The following CNTNAP2 variants were observed in gnomAD, a reference collection of about 807,000 sequenced individuals.
CNTNAP2 encodes the protein contactin associated protein 2.
CNTNAP2 carries 98 observed loss-of-function variants against 155.2 expected under a neutral mutation model. The observed-to-expected ratio is 0.63, with a 90% confidence interval of 0.54 to 0.75. The LOEUF (loss-of-function observed/expected upper bound fraction) is 0.75. Ranked by LOEUF, CNTNAP2 falls within the 30% of genes least tolerant of loss-of-function variation. The pLI is 0.00. For synonymous variants in CNTNAP2, 651 were observed against 631.2 expected (o/e 1.03, Z -0.47); for missense variants, 1,727 against 1,688.1 (o/e 1.02, Z -0.40).
intron 15 of CNTNAP2, among the ~76,000 whole-genome samples, chr7:148,110,951 G>A (rs1435199207): frequency 6.6e-6 from 1 of 152,228 alleles, no homozygotes; most frequent in African/African-American, 2.4e-5. Context: ...TATTCCTCAT[G>A]AGGAAAGTAG....
intron 3 of CNTNAP2, among the ~76,000 whole-genome samples, chr7:147,012,061 A>G (rs1418697984): frequency 1.3e-5 from 2 of 152,172 alleles, no homozygotes; most frequent in Admixed American, 1.3e-4. Context: ...CTCCCATGTT[A>G]TGTAAAACCA....
chr7:146,930,887 T>C (rs1796737612), intron 3 of CNTNAP2, among the ~76,000 whole-genome samples: 1 of 152,168 alleles, frequency 6.6e-6, no homozygotes, highest in Non-Finnish European at 1.5e-5. Flanking sequence ...AAGAGCTAAC[T>C]ATCCTAAATA....
At position 147,955,716 on chromosome 7, in the gene CNTNAP2, C is replaced by T. The variant is rs566309866; in HGVS notation, c.2256-22146C>T. On this transcript the variant is annotated intron_variant, in intron 14 of 23. Coordinates refer to ENST00000361727, the MANE Select transcript of CNTNAP2 (RefSeq NM_014141.6). ...ATGCACAGTCCCTGACCAAGTGGATCGGAAATGTCTCCTGTTGTAGGTCAA... is the reference window on the plus strand; with the variant it reads ...ATGCACAGTCCCTGACCAAGTGGATTGGAAATGTCTCCTGTTGTAGGTCAA... Among the ~76,000 whole-genome samples the T allele has an allele frequency of 1.3e-3, 195 of 152,238 alleles. 1 individual carries two copies. The highest frequency in any genetic ancestry group is 4.6e-3 in the African/African-American group (191 of 41,538).
chr7:147,131,265 ATGG>A (rs951460000), intron 7 of CNTNAP2, among the ~76,000 whole-genome samples: 6 of 151,316 alleles, frequency 4.0e-5, no homozygotes, highest in Non-Finnish European at 7.4e-5. Flanking sequence ...ATACATATAT[ATGG>A]TGTTGTTAAA....
At chr7:146,813,324 AGGGGC>A (rs776426708) in intron 2 of CNTNAP2, among the ~76,000 whole-genome samples, 35 of 152,322 alleles carry the variant, frequency 2.3e-4, no homozygotes, top group Non-Finnish European at 4.3e-4. Context: ...GCAAAGTCAC[AGGGGC>A]GGAGCTCCTG....
chr7:147,762,506 G>A (rs2116521079), intron 13 of CNTNAP2, among the ~76,000 whole-genome samples: 1 of 151,896 alleles, frequency 6.6e-6, no homozygotes, highest in East Asian at 1.9e-4. Context: ...CTACTGGGAA[G>A]TCCTAACTAG....
intron 1 of CNTNAP2, among the ~76,000 whole-genome samples, chr7:146,720,448 A>C (rs925222069): frequency 6.6e-6 from 1 of 152,170 alleles, no homozygotes; most frequent in Non-Finnish European, 1.5e-5. Context: ...AAGTGCCTAC[A>C]TACTCTGCTC....
chr7:147,892,017 G>A (rs897979949), intron 13 of CNTNAP2, among the ~76,000 whole-genome samples: 4 of 151,968 alleles, frequency 2.6e-5, no homozygotes, highest in South Asian at 2.1e-4. Context: ...ATCTCTGAAC[G>A]CTAAAAGGAG....
intron 9 of CNTNAP2, among the ~76,000 whole-genome samples, chr7:147,326,909 C>T (rs1482107389): frequency 6.6e-6 from 1 of 152,108 alleles, no homozygotes; most frequent in Non-Finnish European, 1.5e-5. Flanking sequence ...TCTTATTTAC[C>T]AGTGCTTTTC....
intron 1 of CNTNAP2, among the ~76,000 whole-genome samples, chr7:146,326,702 G>A (rs1360270247): frequency 2.0e-5 from 3 of 152,184 alleles, no homozygotes; most frequent in Non-Finnish European, 1.5e-5. Context: ...GATGAAAAGA[G>A]TGGCGACTTT....
At chr7:148,385,616 G>A (rs1048337299) in intron 22 of CNTNAP2, among the ~76,000 whole-genome samples, 1 of 151,944 alleles carries the variant, frequency 6.6e-6, no homozygotes, top group Non-Finnish European at 1.5e-5. Context: ...GGGCCAATAT[G>A]AGTTTTATGT....
At chr7:146,388,760 C>T (rs1031542493) in intron 1 of CNTNAP2, among the ~76,000 whole-genome samples, 2 of 152,200 alleles carry the variant, frequency 1.3e-5, no homozygotes, top group Admixed American at 6.5e-5. Context: ...ACCAGCCCCC[C>T]ACTACCCTTT....
intron 2 of CNTNAP2, among the ~76,000 whole-genome samples, chr7:146,828,813 T>C (rs73459339): frequency 0.035 from 5,263 of 152,222 alleles, 308 homozygotes; most frequent in African/African-American, 0.12. Context: ...TAAACTTGTA[T>C]ACATGTCTAA....
intron 3 of CNTNAP2, among the ~76,000 whole-genome samples, chr7:147,028,613 G>C (rs1798967156): frequency 6.6e-6 from 1 of 152,164 alleles, no homozygotes; most frequent in Non-Finnish European, 1.5e-5. Flanking sequence ...AGGCCAGTTG[G>C]GTAGTAGACT....
chr7:147,609,067 A>G (rs1331316865), intron 12 of CNTNAP2, among the ~76,000 whole-genome samples: 1 of 152,166 alleles, frequency 6.6e-6, no homozygotes, highest in East Asian at 1.9e-4. Context: ...CACAGGTGAT[A>G]TGATGGCTTA....
intron 20 of CNTNAP2, among the ~76,000 whole-genome samples, chr7:148,254,899 G>T (rs779457581): frequency 6.6e-6 from 1 of 151,356 alleles, no homozygotes; most frequent in Admixed American, 6.6e-5. Context: ...CCTTTTCCAC[G>T]CATTTGTTTG....
At chr7:146,478,203 G>A (rs1255706094) in intron 1 of CNTNAP2, among the ~76,000 whole-genome samples, 2 of 151,948 alleles carry the variant, frequency 1.3e-5, no homozygotes, top group Admixed American at 1.3e-4. Flanking sequence ...CCTGAGAGAA[G>A]AGTACAGAAT....
intron 1 of CNTNAP2, among the ~76,000 whole-genome samples, chr7:146,184,969 T>C (rs1166129708): frequency 6.6e-6 from 1 of 152,166 alleles, no homozygotes; most frequent in African/African-American, 2.4e-5. Context: ...TTCTGTATCA[T>C]TTCTGCTAAA....
chr7:147,765,933 T>C (rs1797376077), intron 13 of CNTNAP2, among the ~76,000 whole-genome samples: 1 of 152,214 alleles, frequency 6.6e-6, no homozygotes, highest in South Asian at 2.1e-4. Flanking sequence ...ACAATATGGA[T>C]GAATCTCTAC....
Sources: gnomAD v4.1 joint callset for allele counts (sites outside exome capture counted in the v4.1 genomes callset) on GRCh38, gnomAD v4.1.1 for gene constraint, MANE v1.5 for transcripts, NCBI Gene and HGNC (gene_info 2026-07-23, HGNC 2026-07-21) for gene names.